The following TRIO variants were observed in gnomAD, a reference collection of about 807,000 sequenced individuals.
The protein encoded by TRIO is trio Rho guanine nucleotide exchange factor.
In TRIO, 58 loss-of-function variants were observed where a neutral mutation model predicts 351.9. That is an observed-to-expected ratio of 0.16 (90% CI 0.13 to 0.21). TRIO has a LOEUF of 0.21. Among genes scored for constraint, TRIO ranks in the 10% least tolerant of loss-of-function variants. The pLI is 1.00. For missense variants in TRIO, 3,201 were observed against 4,027.8 expected (o/e 0.79, Z 5.56); for synonymous variants, 1,758 against 1,595.7 (o/e 1.10, Z -2.42).
chr5:14,484,795 C>G (rs1311570724), intron 46 of TRIO, among the ~76,000 whole-genome samples: 1 of 152,158 alleles, frequency 6.6e-6, no homozygotes, highest in South Asian at 2.1e-4. Flanking sequence ...GCAACCTCCA[C>G]TCTACTTCCT....
chr5:14,479,601 A>C (rs1755363080), intron 42 of TRIO, among the ~76,000 whole-genome samples: 1 of 152,186 alleles, frequency 6.6e-6, no homozygotes. Context: ...TAAGTGTTAC[A>C]CTTAAGTCTC....
chr5:14,383,726 C>G (rs1169883002), intron 21 of TRIO, among the ~76,000 whole-genome samples: 1 of 152,096 alleles, frequency 6.6e-6, no homozygotes, highest in African/African-American at 2.4e-5. Flanking sequence ...CAATCTTTTT[C>G]TTTGGTTTCT....
intron 1 of TRIO, among the ~76,000 whole-genome samples, chr5:14,170,007 TG>T (rs1789001734): frequency 1.3e-5 from 2 of 152,058 alleles, no homozygotes; most frequent in African/African-American, 4.8e-5. Flanking sequence ...CCAATGAAAT[TG>T]GGGAGAGGGA....
At chr5:14,229,405 T>A (rs1793264473) in intron 1 of TRIO, among the ~76,000 whole-genome samples, 1 of 152,220 alleles carries the variant, frequency 6.6e-6, no homozygotes, top group Admixed American at 6.5e-5. Flanking sequence ...CTGCAGGCCC[T>A]CCTTTGCCAC....
At chr5:14,260,722 T>C (rs576177670) in intron 1 of TRIO, among the ~76,000 whole-genome samples, 1 of 152,366 alleles carries the variant, frequency 6.6e-6, no homozygotes, top group East Asian at 1.9e-4. Context: ...ATTTTTGCAG[T>C]GGGCATGGAC....
chr5:14,271,545 C>T (rs1347441291), intron 2 of TRIO, among the ~76,000 whole-genome samples: 1 of 152,156 alleles, frequency 6.6e-6, no homozygotes, highest in East Asian at 1.9e-4. Context: ...AGCGTTAGGC[C>T]GTTTTGGACT....
At position 14,314,316 on chromosome 5, in the gene TRIO, G is replaced by A. The variant is rs567940742; in HGVS notation, c.1501-2197G>A. ...AGACAAAGGTGATTTATGATAAAAT[G>A]TTTTTCAGTCTATAAATGCCTAAAT... On this transcript the variant is annotated intron_variant, in intron 8 of 56. Transcript: ENST00000344204. Among the ~76,000 whole-genome samples, 6 of 152,258 alleles carry A rather than the reference G, an allele frequency of 3.9e-5. No homozygotes were observed. In the South Asian group the frequency reaches 1.2e-3, roughly 32 times the overall value.
chr5:14,504,276 C>T (rs1757502463), intron 54 of TRIO, 117 bp from the exon 55 acceptor site: 1 of 1,126,506 alleles, frequency 8.9e-7, no homozygotes, highest in Non-Finnish European at 1.3e-6. Flanking sequence ...GCCGGGAGAG[C>T]AGGGCCTCTG....
Position 14,405,830 on chromosome 5 carries a change from C to T in TRIO, c.4717-18C>T, listed in dbSNP as rs201888938. ...AAGGGCCGTTCCGTATCCTAAGCAA[C>T]GCTAACACCTTGTTAAGGCTTCCAG... On this transcript the variant is annotated intron_variant, in intron 31 of 56. Coordinates refer to ENST00000344204, the MANE Select transcript of TRIO (RefSeq NM_007118.4). The T allele has an allele frequency of 1.6e-5, 26 of 1,612,564 alleles. No individual in the cohort carries two copies. Among genetic ancestry groups the T allele is most frequent in the Admixed American group, 1.5e-4 (9 of 59,972 alleles).
At chr5:14,342,846 A>G (rs898122114) in intron 11 of TRIO, among the ~76,000 whole-genome samples, 5 of 152,230 alleles carry the variant, frequency 3.3e-5, no homozygotes, top group Non-Finnish European at 7.3e-5. Flanking sequence ...AAAATGCACT[A>G]ATACTATCGC....
intron 19 of TRIO, among the ~76,000 whole-genome samples, chr5:14,376,473 A>T (rs947463370): frequency 1.3e-5 from 2 of 152,160 alleles, no homozygotes; most frequent in African/African-American, 4.8e-5. Flanking sequence ...CATATATTTC[A>T]CTCACCCATC....
chr5:14,498,703 T>G (rs767884769), intron 53 of TRIO, 63 bp downstream of exon 53: 7 of 1,590,748 alleles, frequency 4.4e-6, no homozygotes, highest in Non-Finnish European at 6.0e-6. Context: ...GGAGTCTCCT[T>G]AAGTCCTGAG....
intron 1 of TRIO, among the ~76,000 whole-genome samples, chr5:14,232,839 CA>C (rs1793531966): frequency 2.0e-5 from 3 of 152,174 alleles, no homozygotes; most frequent in Admixed American, 1.3e-4. Context: ...ATATTTAAAA[CA>C]AGGAGTTTCT....
chr5:14,172,335 G>C (rs116818948), intron 1 of TRIO, among the ~76,000 whole-genome samples: 1 of 152,198 alleles, frequency 6.6e-6, no homozygotes, highest in Non-Finnish European at 1.5e-5. Context: ...CAAATCTAGC[G>C]TCTTGGTTGA....
chr5:14,490,948 C>G (rs1756438641), intron 48 of TRIO: 1 of 433,934 alleles, frequency 2.3e-6, no homozygotes, highest in African/African-American at 2.0e-5. Context: ...ATGCACAAGC[C>G]AAAGCCTTCC....
chr5:14,227,636 T>A (rs1045206359), intron 1 of TRIO, among the ~76,000 whole-genome samples: 2 of 152,206 alleles, frequency 1.3e-5, no homozygotes, highest in Non-Finnish European at 2.9e-5. Flanking sequence ...GACGTGAGTT[T>A]AGGAGACACA....
intron 11 of TRIO, among the ~76,000 whole-genome samples, chr5:14,353,997 C>T (rs1044829463): frequency 1.3e-5 from 2 of 152,212 alleles, no homozygotes; most frequent in African/African-American, 2.4e-5. Context: ...CCAGCCTGCC[C>T]CCCTTCCTGT....
At chr5:14,197,037 T>TA (rs922455202) in intron 1 of TRIO, among the ~76,000 whole-genome samples, 5 of 152,184 alleles carry the variant, frequency 3.3e-5, no homozygotes, top group Non-Finnish European at 5.9e-5. Context: ...TCTATACTTG[T>TA]AAAAAACATC....
Position 14,483,315 on chromosome 5 carries a change from C to G in TRIO, c.6657+542C>G, listed in dbSNP as rs184613454. On this transcript the variant is annotated intron_variant, in intron 46 of 56. Coordinates refer to ENST00000344204, the MANE Select transcript of TRIO (RefSeq NM_007118.4). ...CCTCAAGTCTGTAAAAGGGACAAACCAAGGGTGAGGTAGAGAAGAGCAGAG... is the reference window on the plus strand; with the variant it reads ...CCTCAAGTCTGTAAAAGGGACAAACGAAGGGTGAGGTAGAGAAGAGCAGAG... Among the ~76,000 whole-genome samples, 64 of 152,264 alleles carry G rather than the reference C, an allele frequency of 4.2e-4. 1 individual carries two copies. Among genetic ancestry groups the G allele is most frequent in the African/African-American group, 1.4e-3 (59 of 41,550 alleles).
Sources: gnomAD v4.1 joint callset for allele counts (sites outside exome capture counted in the v4.1 genomes callset) on GRCh38, gnomAD v4.1.1 for gene constraint, MANE v1.5 for transcripts, NCBI Gene and HGNC (gene_info 2026-07-23, HGNC 2026-07-21) for gene names.